Variants in KCNMA1 observed in about 807,000 individuals in gnomAD.
KCNMA1 encodes the protein Calcium-activated potassium channel subunit alpha-1.
A neutral mutation model predicts 140.0 loss-of-function variants in KCNMA1; 29 were observed. The ratio of observed to expected loss-of-function variants is 0.21; its 90% confidence interval spans 0.15 to 0.28. KCNMA1 has a LOEUF of 0.28. KCNMA1 is among the 10% of genes least tolerant of loss of function. KCNMA1 has a pLI of 1.00. For synonymous variants in KCNMA1, 612 were observed against 611.9 expected (o/e 1.00, Z 0.00); for missense variants, 880 against 1,602.2 (o/e 0.55, Z 7.70).
chr10:77,018,914 T>G, intron 17 of KCNMA1, 99 bp downstream of exon 17: 1 of 739,030 alleles, frequency 1.4e-6, no homozygotes, highest in South Asian at 1.4e-5. Context: ...GCCATAGACA[T>G]GTTAAGGAGT....
At chr10:76,892,130 C>T (rs1379791218) in intron 25 of KCNMA1, among the ~76,000 whole-genome samples, 3 of 152,194 alleles carry the variant, frequency 2.0e-5, no homozygotes, top group African/African-American at 7.2e-5. Flanking sequence ...CTCTGAGGCC[C>T]TGTCATCCAT....
At chr10:77,301,558 T>C (rs775009582) in intron 2 of KCNMA1, among the ~76,000 whole-genome samples, 3 of 152,108 alleles carry the variant, frequency 2.0e-5, no homozygotes, top group Non-Finnish European at 4.4e-5. Context: ...CTTTTCTTTA[T>C]GGCAGACCTT....
intron 1 of KCNMA1, among the ~76,000 whole-genome samples, chr10:77,439,429 G>A (rs149618641): frequency 1.1e-4 from 16 of 152,262 alleles, no homozygotes; most frequent in African/African-American, 3.6e-4. Context: ...TCCCTTTGTG[G>A]CTGGGGAGTA....
chr10:76,888,038 A>C (rs2038023612), intron 27 of KCNMA1: 1 of 176,084 alleles, frequency 5.7e-6, no homozygotes, highest in Non-Finnish European at 1.2e-5. Flanking sequence ...CTGCCTACTT[A>C]TCAGCACTAC....
At chr10:77,265,943 C>T (rs2063309934) in intron 2 of KCNMA1, among the ~76,000 whole-genome samples, 1 of 151,718 alleles carries the variant, frequency 6.6e-6, no homozygotes, top group Non-Finnish European at 1.5e-5. Flanking sequence ...TAGCCAGGTG[C>T]AGTGGTGGGC....
rs2093603886 is a variant in KCNMA1, at chr10:77,027,837, G to A, written c.1914C>T (p.Ala638=). The change falls in exon 16 of 28, where the codon GCC becomes GCT. Residue 638 remains alanine, a synonymous_variant. Transcript: ENST00000286628. ...CGCAAACTTACCGGCTCTCTCGGTT[G>A]GCAGACTTGTACTCAATGGCTATCA... ...LLMIAIEYKS[A]NRESRILINP... 6.2e-7 allele frequency: 1 copy of A among 1,613,780 alleles called. No homozygotes were observed. Among genetic ancestry groups the A allele is most frequent in the Admixed American group, 1.7e-5 (1 of 59,978 alleles).
chr10:77,448,272 C>T lies in KCNMA1; in HGVS notation c.379-44249G>A, dbSNP rs149587292. The stretch of plus-strand genomic sequence containing the variant: ...AGAGGTCACAGCCTTGTGATTCCAT[C>T]GGCTCCAAATTTAAAGCAATCTTGC... On this transcript the variant is annotated intron_variant, in intron 1 of 27. Coordinates refer to ENST00000286628, the MANE Select transcript of KCNMA1 (RefSeq NM_001161352.2). 1.4e-4 allele frequency among the ~76,000 whole-genome samples: 22 copies of T among 152,258 alleles called. No individual in the cohort carries two copies. The East Asian group carries it at 3.3e-3, about 23-fold the overall frequency.
At chr10:77,009,275 A>G (rs1412962076) in intron 18 of KCNMA1, among the ~76,000 whole-genome samples, 1 of 152,220 alleles carries the variant, frequency 6.6e-6, no homozygotes, top group Non-Finnish European at 1.5e-5. Flanking sequence ...GGAAATGAAG[A>G]GAAGAAAATT....
chr10:77,387,573 T>TTTTTTCTTTTCTC lies in KCNMA1; in HGVS notation c.540+16288_540+16289insGAGAAAAGAAAAA, dbSNP rs2095653674. On this transcript the variant is annotated intron_variant, in intron 2 of 27. Transcript: ENST00000286628. ...TTCTTTTCTTTTTCTTTTCTTTTCT[T>TTTTTTCTTTTCTC]TTTTTTCTTTTCTCTTTTCTTTTCT... Among the ~76,000 whole-genome samples, 5 of 151,634 alleles carry TTTTTTCTTTTCTC rather than the reference T, an allele frequency of 3.3e-5. No individual in the cohort carries two copies. The South Asian group carries it at 1.0e-3, about 32-fold the overall frequency.
chr10:77,024,131 T>G (rs2093163547), intron 16 of KCNMA1, among the ~76,000 whole-genome samples: 1 of 152,132 alleles, frequency 6.6e-6, no homozygotes, highest in Admixed American at 6.5e-5. Flanking sequence ...GCCAAATCAT[T>G]TTCTGGTATA....
intron 10 of KCNMA1, among the ~76,000 whole-genome samples, chr10:77,088,791 C>T (rs142077006): frequency 1.3e-5 from 2 of 152,172 alleles, no homozygotes; most frequent in African/African-American, 4.8e-5. Context: ...TGAATCTGAC[C>T]AGTCTTTCAG....
At chr10:77,071,993 T>C (rs1452600968) in intron 14 of KCNMA1, among the ~76,000 whole-genome samples, 1 of 152,124 alleles carries the variant, frequency 6.6e-6, no homozygotes, top group Non-Finnish European at 1.5e-5. Flanking sequence ...CCTAGGCCAT[T>C]TCCTCAAAAC....
exon 28 of KCNMA1, chr10:76,870,383 G>T (rs2031046734): frequency 6.6e-6 from 1 of 152,312 alleles, no homozygotes; most frequent in South Asian, 2.1e-4. Flanking sequence ...CGAGAGCATT[G>T]GTGTCACTTC....
chr10:76,974,955 T>C (rs142576361), intron 19 of KCNMA1, among the ~76,000 whole-genome samples: 26 of 152,318 alleles, frequency 1.7e-4, no homozygotes, highest in Middle Eastern at 3.4e-3. Flanking sequence ...ATAATCATTA[T>C]ATTCCGAGTC....
chr10:77,625,971 C>G (rs2154570370), intron 1 of KCNMA1, among the ~76,000 whole-genome samples: 1 of 152,132 alleles, frequency 6.6e-6, no homozygotes, highest in South Asian at 2.1e-4. Flanking sequence ...CCCACAAACA[C>G]TGCACAAGGG....
intron 2 of KCNMA1, among the ~76,000 whole-genome samples, chr10:77,337,009 A>G (rs1047430616): frequency 2.0e-5 from 3 of 152,172 alleles, no homozygotes; most frequent in Non-Finnish European, 4.4e-5. Context: ...CCCAATTCTA[A>G]CTTAGAGAAT....
At position 76,970,082 on chromosome 10, in the gene KCNMA1, A is replaced by G. The variant is rs200181653; in HGVS notation, c.2267-15T>C. On this transcript the variant is annotated splice_polypyrimidine_tract_variant and intron_variant, in intron 19 of 27. Coordinates refer to ENST00000286628, the MANE Select transcript of KCNMA1 (RefSeq NM_001161352.2). ...CTCATCTTCAACTGGAAATACAGGC[A>G]GCTCATGAGATTATGAACAGTTTGA... 6 of 1,605,746 alleles carry G rather than the reference A, an allele frequency of 3.7e-6. No homozygotes were observed. The highest frequency in any genetic ancestry group is 1.7e-5 in the Admixed American group (1 of 59,998).
intron 2 of KCNMA1, among the ~76,000 whole-genome samples, chr10:77,357,824 T>C (rs556433579): frequency 6.6e-6 from 1 of 152,168 alleles, no homozygotes; most frequent in Admixed American, 6.5e-5. Flanking sequence ...GGAGGATGAG[T>C]CACAACTGTA....
intron 3 of KCNMA1, among the ~76,000 whole-genome samples, chr10:77,240,221 T>C (rs2056914568): frequency 6.6e-6 from 1 of 152,206 alleles, no homozygotes; most frequent in Non-Finnish European, 1.5e-5. Flanking sequence ...AAACAGAGTG[T>C]ATGTTTATGA....
Sources: allele counts gnomAD v4.1 joint callset (sites outside exome capture counted in the v4.1 genomes callset), GRCh38; gene constraint gnomAD v4.1.1; transcripts MANE v1.5; gene names NCBI Gene and HGNC (gene_info 2026-07-23, HGNC 2026-07-21).